EPRS1: variants seen among roughly 807,000 people sequenced by gnomAD.
The protein encoded by EPRS1 is glutamyl-prolyl-tRNA synthetase 1, also known as bifunctional glutamate/proline--tRNA ligase.
EPRS1 carries 107 observed loss-of-function variants against 188.3 expected under a neutral mutation model. That is an observed-to-expected ratio of 0.57 (90% CI 0.49 to 0.67). EPRS1 has a LOEUF of 0.67. EPRS1 is among the 30% of genes least tolerant of loss of function. The pLI is 0.00. For missense variants in EPRS1, 1,577 were observed against 1,802.2 expected (o/e 0.88, Z 2.26); for synonymous variants, 596 against 593.1 (o/e 1.00, Z -0.07).
chr1:219,997,991 G>C (rs1373901295), intron 17 of EPRS1, among the ~76,000 whole-genome samples: 1 of 152,072 alleles, frequency 6.6e-6, no homozygotes, highest in Non-Finnish European at 1.5e-5. Context: ...AAAATCTAGA[G>C]CTATGTTCAC....
At chr1:220,040,453 C>T (rs1363417159) in intron 1 of EPRS1, among the ~76,000 whole-genome samples, 184 bp from the exon 2 acceptor site, 1 of 152,162 alleles carries the variant, frequency 6.6e-6, no homozygotes, top group East Asian at 1.9e-4. Context: ...AAATCAGAAT[C>T]CAGAATCCAT....
At chr1:219,994,640 CTTTTTTTTTTTT>C (rs71169424) in intron 18 of EPRS1, among the ~76,000 whole-genome samples, 79,488 of 109,986 alleles carry the variant, frequency 0.72, 28,150 homozygotes, top group East Asian at 0.91. Context: ...GTAACTTCTT[CTTTTTTTTTTTT>C]TTTTTTTTTT....
At chr1:219,981,545 A>G (rs1660900303) in intron 23 of EPRS1, 88 bp from the exon 24 acceptor site, 1 of 646,148 alleles carries the variant, frequency 1.5e-6, no homozygotes, top group Non-Finnish European at 2.6e-6. Context: ...GATAATTAAT[A>G]GGAATTAAAA....
chr1:220,034,992 C>T lies in EPRS1; in HGVS notation c.153G>A (p.Val51=), dbSNP rs773201229. 1.3e-6 allele frequency: 2 copies of T among 1,586,372 alleles called. No individual in the cohort carries two copies. Among genetic ancestry groups the T allele is most frequent in the Admixed American group, 3.6e-5 (2 of 55,840 alleles). ...TAGCCAAGTAGCGAAGTATAGAATT[C>T]ACATCTGTGAATATCACATTTCTAG... ...HVSENVIFTD[V]NSILRYLARV... The change falls in exon 3 of 32, where the codon GTG becomes GTA. Residue 51 remains valine (V), a synonymous_variant. Transcript: ENST00000366923.
rs1558046830 is a variant in EPRS1, at chr1:219,988,748, T to A, written c.2617A>T (p.Ile873Leu). The change falls in exon 19 of 32, where the codon ATA becomes TTA. Residue 873 changes from isoleucine (I) to leucine (L), a missense_variant. By Grantham distance (5) the Ile-to-Leu change is conservative (BLOSUM62 2). Around this residue, in one of 3 missense-constraint regions of EPRS1, gnomAD observed 1,278 missense variants for 1,457.4 expected, o/e 0.88. Transcript: ENST00000366923. ...QYKEKTGKEYIPGQPPLSQSS... is the reference protein window; with the variant it reads ...QYKEKTGKEYLPGQPPLSQSS... Reference sequence around the variant, plus strand: ...TGAGATAATGGGGGCTGACCAGGTATGTACTCCTTCCCAGTTTTTTCTTTA... The same window carrying A: ...TGAGATAATGGGGGCTGACCAGGTAAGTACTCCTTCCCAGTTTTTTCTTTA... The A allele has an allele frequency of 9.9e-6, 16 of 1,613,834 alleles. No individual in the cohort carries two copies. Among genetic ancestry groups the A allele is most frequent in the Non-Finnish European group, 1.3e-5 (15 of 1,179,856 alleles).
rs1252732742 is a variant in EPRS1, at chr1:219,973,272, T to G, written c.4210A>C (p.Ile1404Leu). ...AGGGTGACCTGGATGTCTTCCAAAA[T>G]AGCTTGAAGTTTAGTCTCTGCCTCA... ...ENEAETKLQAILEDIQVTLFT... is the reference protein window; with the variant it reads ...ENEAETKLQALLEDIQVTLFT... Residue 1404 changes from isoleucine (I) to leucine (L), a missense_variant, in exon 29 of 32, where the codon ATT (isoleucine) becomes CTT (leucine). By Grantham distance (5) the Ile-to-Leu change is conservative. Around this residue, in one of 3 missense-constraint regions of EPRS1, gnomAD observed 296 missense variants for 327.9 expected, o/e 0.90. Coordinates refer to ENST00000366923, the MANE Select transcript of EPRS1 (RefSeq NM_004446.3). 1 of 1,612,600 alleles carries G rather than the reference T, an allele frequency of 6.2e-7. No individual in the cohort carries two copies. Among genetic ancestry groups the G allele is most frequent in the African/African-American group, 1.3e-5 (1 of 74,492 alleles).
intron 11 of EPRS1, 148 bp downstream of exon 11, chr1:220,018,846 GT>G (rs11291617): frequency 0.02 from 7,010 of 357,132 alleles, 373 homozygotes; most frequent in African/African-American, 0.17. Flanking sequence ...AAAAAAGTTT[GT>G]TTTAAAAAAA....
intron 6 of EPRS1, among the ~76,000 whole-genome samples, chr1:220,027,373 A>G (rs1317774751): frequency 1.3e-5 from 2 of 151,806 alleles, no homozygotes; most frequent in Non-Finnish European, 2.9e-5. Context: ...GCTTGCAGTG[A>G]GCCAAGATCG....
At chr1:219,986,779 A>ATGTGTGTG (rs777807074) in intron 20 of EPRS1, among the ~76,000 whole-genome samples, 20 of 81,754 alleles carry the variant, frequency 2.4e-4, no homozygotes, top group Non-Finnish European at 4.4e-4. Flanking sequence ...GAGAGAAAAT[A>ATGTGTGTG]TGTATGTGTG....
intron 12 of EPRS1, among the ~76,000 whole-genome samples, chr1:220,013,458 T>C (rs1253628608): frequency 1.3e-5 from 2 of 152,154 alleles, no homozygotes; most frequent in Non-Finnish European, 2.9e-5. Context: ...AATAAGGCTC[T>C]TTCTCCAAAG....
At chr1:220,032,271 A>C in intron 5 of EPRS1, 116 bp downstream of exon 5, 18 of 673,890 alleles carry the variant, frequency 2.7e-5, no homozygotes, top group Non-Finnish European at 3.7e-5. Flanking sequence ...TATTTTTAGC[A>C]GAGATGCGGT....
In EPRS1 at chr1:219,970,829, A is replaced by G. The variant is rs149843932; in HGVS notation, c.4323+1240T>C. 9.6e-4 allele frequency among the ~76,000 whole-genome samples: 146 copies of G among 152,006 alleles called. 1 individual carries two copies. Among genetic ancestry groups the G allele is most frequent in the African/African-American group, 3.4e-3 (139 of 41,460 alleles). The stretch of plus-strand genomic sequence containing the variant: ...AGTCAAGTGAAAAACTACAGAAACC[A>G]GAAAGGTGAAAAATTACAAAAGCAA... On this transcript the variant is annotated intron_variant, in intron 30 of 31. Transcript: ENST00000366923.
In EPRS1 at chr1:219,986,717, A is replaced by C. The variant is rs888857854; in HGVS notation, c.3038+425T>G. Among the ~76,000 whole-genome samples, 18 of 152,204 alleles carry C rather than the reference A, an allele frequency of 1.2e-4. 1 individual carries two copies. Among genetic ancestry groups the C allele is most frequent in the Non-Finnish European group, 1.5e-5 (1 of 68,042 alleles). Reference sequence around the variant, plus strand: ...ATCTTCATCTGAAAAAAATCTGCTTAAGGTGCAAAACAATGTGTATAATTA... The same window carrying C: ...ATCTTCATCTGAAAAAAATCTGCTTCAGGTGCAAAACAATGTGTATAATTA... On this transcript the variant is annotated intron_variant, in intron 20 of 31. Transcript: ENST00000366923.
At chr1:220,034,546 T>C (rs1662141248) in intron 3 of EPRS1, among the ~76,000 whole-genome samples, 1 of 152,218 alleles carries the variant, frequency 6.6e-6, no homozygotes, top group Non-Finnish European at 1.5e-5. Context: ...ACTATGCGTG[T>C]TACCCTGTTC....
chr1:219,972,197 C>T, intron 29 of EPRS1, 50 bp from the exon 30 acceptor site: 1 of 1,218,730 alleles, frequency 8.2e-7, no homozygotes, highest in Non-Finnish European at 1.2e-6. Context: ...ACAAATATGA[C>T]AAAGTTTTAT....
chr1:220,046,455 G>A lies in EPRS1; in HGVS notation c.-67C>T, dbSNP rs1434924916. The A allele has an allele frequency of 6.2e-7, 1 of 1,600,068 alleles. No individual in the cohort carries two copies. The highest frequency in any genetic ancestry group is 8.5e-7 in the Non-Finnish European group (1 of 1,174,408). On this transcript the variant is annotated 5_prime_UTR_variant, in exon 1 of 32. Coordinates refer to ENST00000366923, the MANE Select transcript of EPRS1 (RefSeq NM_004446.3). ...GTGCCAGAACTACGGAGGACCCCGC[G>A]AAAGGAAGAAGATGCAACGTGTGCG...
In EPRS1 at chr1:220,030,321, A is replaced by C. The variant is rs576765757; in HGVS notation, c.623+65T>G. 2.9e-5 allele frequency: 29 copies of C among 1,016,244 alleles called. No homozygotes were observed. The African/African-American group carries it at 4.5e-4, about 16-fold the overall frequency. The allele number at this position is 1,016,244 out of a possible 1,614,324, so 63.0% of individuals were successfully genotyped here. On this transcript the variant is annotated intron_variant, in intron 6 of 31. Coordinates refer to ENST00000366923, the MANE Select transcript of EPRS1 (RefSeq NM_004446.3). ...TAACCTATTAATACTTTAAGTATTTAATCACTGTTTTAAAGCTTTCCCACT... is the reference window on the plus strand; with the variant it reads ...TAACCTATTAATACTTTAAGTATTTCATCACTGTTTTAAAGCTTTCCCACT...
chr1:220,030,447 C>T lies in EPRS1; in HGVS notation c.562G>A (p.Val188Ile), dbSNP rs1351858711. The change falls in exon 6 of 32, where the codon GTT (valine) becomes ATT (isoleucine). Residue 188 changes from valine to isoleucine, a missense_variant. Val to Ile is a conservative substitution (Grantham distance 29). Around this residue, in one of 3 missense-constraint regions of EPRS1, gnomAD observed 1,278 missense variants for 1,457.4 expected, o/e 0.88. Transcript: ENST00000366923. ...CCCATCTCCGCACCTGGAAGCTCAA[C>T]AAATTTCCCAACATCTTGCTTTTTC... Reference protein sequence around the residue: ...PEKKQDVGKFVELPGAEMGKV... With the variant: ...PEKKQDVGKFIELPGAEMGKV... The T allele has an allele frequency of 6.2e-7, 1 of 1,614,120 alleles. No individual in the cohort carries two copies. Among genetic ancestry groups the T allele is most frequent in the South Asian group, 1.1e-5 (1 of 91,090 alleles).
chr1:220,003,215 A>G (rs1340634334), intron 16 of EPRS1, among the ~76,000 whole-genome samples: 1 of 152,148 alleles, frequency 6.6e-6, no homozygotes, highest in African/African-American at 2.4e-5. Flanking sequence ...GAATTTCCCT[A>G]ACAACTAATG....
Sources: gnomAD v4.1 joint callset for allele counts (sites outside exome capture counted in the v4.1 genomes callset) on GRCh38, gnomAD v4.1.1 for gene constraint, gnomAD v4.1.1 regional missense constraint, MANE v1.5 for transcripts, NCBI Gene and HGNC (gene_info 2026-07-23, HGNC 2026-07-21) for gene names.